Variants in KSR2 observed in about 807,000 individuals in gnomAD.
The protein encoded by KSR2 is kinase suppressor of ras 2.
In KSR2, 25 loss-of-function variants were observed where a neutral mutation model predicts 107.8. The ratio of observed to expected loss-of-function variants is 0.23; its 90% CI spans 0.17 to 0.32. The LOEUF is 0.32. Among genes scored for constraint, KSR2 ranks in the 10% least tolerant of loss-of-function variants. The pLI, the probability that KSR2 is intolerant of heterozygous loss-of-function variation, is 1.00. For synonymous variants in KSR2, 480 were observed against 507.0 expected (o/e 0.95, Z 0.71); for missense variants, 887 against 1,268.9 (o/e 0.70, Z 4.57).
chr12:117,687,033 G>A (rs550279943), intron 4 of KSR2, among the ~76,000 whole-genome samples: 4 of 152,158 alleles, frequency 2.6e-5, no homozygotes, highest in Non-Finnish European at 4.4e-5. Context: ...TAGCTTCCTC[G>A]CTTGTAAAAT....
intron 3 of KSR2, among the ~76,000 whole-genome samples, chr12:117,806,701 C>A (rs1982337): frequency 0.018 from 2,765 of 152,332 alleles, 39 homozygotes; most frequent in Non-Finnish European, 0.03. Context: ...CAACACCCAT[C>A]TGCTCTGGCT....
At chr12:117,581,896 C>CTGTGCTAAGCA (rs1879687124) in intron 6 of KSR2, among the ~76,000 whole-genome samples, 1 of 151,990 alleles carries the variant, frequency 6.6e-6, no homozygotes, top group African/African-American at 2.4e-5. Context: ...TGTGCCAGGC[C>CTGTGCTAAGCA]CTTTACAAAT....
At chr12:117,551,641 G>T (rs1000534338) in intron 9 of KSR2, among the ~76,000 whole-genome samples, 7 of 151,874 alleles carry the variant, frequency 4.6e-5, no homozygotes, top group African/African-American at 1.7e-4. Context: ...CAGGAGACAA[G>T]ACAAAGAGCA....
chr12:117,733,334 G>T (rs1887804526), intron 4 of KSR2, among the ~76,000 whole-genome samples: 1 of 152,052 alleles, frequency 6.6e-6, no homozygotes, highest in Non-Finnish European at 1.5e-5. Flanking sequence ...CTATCTCCCG[G>T]GCCATGATGC....
intron 1 of KSR2, among the ~76,000 whole-genome samples, chr12:117,958,360 A>G (rs1200758202): frequency 4.6e-5 from 7 of 152,182 alleles, no homozygotes. Flanking sequence ...GTGAAGGGCA[A>G]CTTGGCAAAA....
intron 3 of KSR2, among the ~76,000 whole-genome samples, chr12:117,799,866 C>A (rs778868379): frequency 6.6e-5 from 10 of 152,196 alleles, no homozygotes; most frequent in East Asian, 5.8e-4. Context: ...CACCAAAATT[C>A]TTTTCCACCT....
At chr12:117,705,437 C>T (rs1408246331) in intron 4 of KSR2, among the ~76,000 whole-genome samples, 3 of 152,256 alleles carry the variant, frequency 2.0e-5, no homozygotes, top group Non-Finnish European at 1.5e-5. Context: ...GGTTCAGAGA[C>T]ACCCTTTCCT....
chr12:117,809,477 G>A (rs1416406317), intron 3 of KSR2, among the ~76,000 whole-genome samples: 1 of 152,144 alleles, frequency 6.6e-6, no homozygotes, highest in Non-Finnish European at 1.5e-5. Flanking sequence ...GAAGAGAGGG[G>A]TGCAAAAATC....
At chr12:117,648,167 T>C (rs1029317487) in intron 5 of KSR2, among the ~76,000 whole-genome samples, 4 of 152,218 alleles carry the variant, frequency 2.6e-5, no homozygotes, top group Admixed American at 1.3e-4. Context: ...TTGCCAATAT[T>C]TTAAAAATTT....
intron 3 of KSR2, among the ~76,000 whole-genome samples, chr12:117,849,115 G>A (rs1022305783): frequency 6.6e-6 from 1 of 152,144 alleles, no homozygotes; most frequent in Non-Finnish European, 1.5e-5. Context: ...GACTAAGAAG[G>A]AGAAAGGAGA....
At chr12:117,754,183 T>A (rs888248461) in intron 4 of KSR2, among the ~76,000 whole-genome samples, 1 of 152,152 alleles carries the variant, frequency 6.6e-6, no homozygotes. Context: ...CCAGTGGAGA[T>A]GACAGACATG....
intron 4 of KSR2, among the ~76,000 whole-genome samples, chr12:117,756,075 G>A (rs1208942857): frequency 1.3e-5 from 2 of 152,200 alleles, no homozygotes; most frequent in East Asian, 3.8e-4. Context: ...TAAGGTTTGT[G>A]GAAAGAAGTT....
At chr12:117,728,865 T>C (rs1002229402) in intron 4 of KSR2, among the ~76,000 whole-genome samples, 2 of 152,224 alleles carry the variant, frequency 1.3e-5, no homozygotes, top group African/African-American at 4.8e-5. Flanking sequence ...ATCATGAACT[T>C]TGGCATCTGA....
Position 117,968,288 on chromosome 12 carries a change from C to T in KSR2, c.-33G>A. The stretch of plus-strand genomic sequence containing the variant: ...TCTGCAACCCCCTTCCCCTCCTCCT[C>T]CTCCCAGAGAGAAAAAAGAGGGGGG... On this transcript the variant is annotated 5_prime_UTR_variant, in exon 1 of 20. Transcript: ENST00000339824. The T allele has an allele frequency of 1.4e-6, 2 of 1,464,684 alleles. No individual in the cohort carries two copies. The highest frequency in any genetic ancestry group is 1.8e-6 in the Non-Finnish European group (2 of 1,122,870). 90.7% of individuals were successfully genotyped at this position (1,464,684 alleles called of 1,614,324 possible). A position where few individuals can be genotyped will look rare whatever the true frequency, so the allele number is the denominator to read the frequency against.
intron 4 of KSR2, among the ~76,000 whole-genome samples, chr12:117,720,135 A>T (rs1887149104): frequency 6.6e-6 from 1 of 152,204 alleles, no homozygotes; most frequent in Non-Finnish European, 1.5e-5. Context: ...GTGCAGAGTC[A>T]AATTTCTATA....
At chr12:117,614,693 T>G (rs1457432001) in intron 5 of KSR2, among the ~76,000 whole-genome samples, 2 of 152,190 alleles carry the variant, frequency 1.3e-5, no homozygotes, top group African/African-American at 4.8e-5. Flanking sequence ...CTGTGGAAAC[T>G]TGGGGAGAGG....
chr12:117,586,469 C>A (rs1879996702), intron 5 of KSR2, among the ~76,000 whole-genome samples: 1 of 150,928 alleles, frequency 6.6e-6, no homozygotes, highest in South Asian at 2.1e-4. Flanking sequence ...CACCGGTAAT[C>A]CCAGCTACTC....
chr12:117,814,129 G>A (rs1412176027), intron 3 of KSR2, among the ~76,000 whole-genome samples: 3 of 152,060 alleles, frequency 2.0e-5, no homozygotes, highest in Admixed American at 2.0e-4. Context: ...GGGAAGAGTG[G>A]GATACGGAGA....
chr12:117,663,430 A>G (rs1363435515), intron 5 of KSR2, among the ~76,000 whole-genome samples: 1 of 152,238 alleles, frequency 6.6e-6, no homozygotes, highest in Admixed American at 6.5e-5. Context: ...TGCCTGGAGC[A>G]TTGTCAACAC....
Sources: allele counts gnomAD v4.1 joint callset (sites outside exome capture counted in the v4.1 genomes callset), GRCh38; gene constraint gnomAD v4.1.1; transcripts MANE v1.5; gene names NCBI Gene and HGNC (gene_info 2026-07-23, HGNC 2026-07-21).